The following MYO18B variants were observed in gnomAD, a reference collection of about 807,000 sequenced individuals.
MYO18B encodes myosin XVIIIB, also known as unconventional myosin-XVIIIb.
A neutral mutation model predicts 273.0 loss-of-function variants in MYO18B; 204 were observed. The ratio of observed to expected loss-of-function variants is 0.75; its 90% confidence interval spans 0.67 to 0.84. The LOEUF (loss-of-function observed/expected upper bound fraction) is 0.84. Among genes scored for constraint, MYO18B ranks in the 40% least tolerant of loss-of-function variants. The pLI, the probability that MYO18B is intolerant of heterozygous loss-of-function variation, is 0.00. For synonymous variants in MYO18B, 1,330 were observed against 1,305.7 expected (o/e 1.02, Z -0.40); for missense variants, 3,212 against 3,287.6 (o/e 0.98, Z 0.56).
intron 39 of MYO18B, among the ~76,000 whole-genome samples, chr22:25,971,902 T>C (rs1016589650): frequency 6.6e-6 from 1 of 152,080 alleles, no homozygotes; most frequent in Non-Finnish European, 1.5e-5. Context: ...TTCAGACTTA[T>C]GTGTGCTGAT....
At chr22:25,785,563 C>T (rs979980037) in intron 11 of MYO18B, 72 bp downstream of exon 11, 31 of 1,488,238 alleles carry the variant, frequency 2.1e-5, no homozygotes, top group South Asian at 9.6e-5. Flanking sequence ...GATGAGTCGC[C>T]GTGCAACTTG....
intron 33 of MYO18B, among the ~76,000 whole-genome samples, chr22:25,912,941 G>A (rs1166751514): frequency 6.6e-6 from 1 of 152,160 alleles, no homozygotes; most frequent in Admixed American, 6.5e-5. Context: ...GATACATGCA[G>A]TTCTAATTAA....
At chr22:26,049,090 A>G in the MYO18B span, among the ~76,000 whole-genome samples, 1 of 152,040 alleles carries the variant, frequency 6.6e-6, no homozygotes, top group South Asian at 2.1e-4. Flanking sequence ...TAAAATCTGA[A>G]AAAAAAAGAA....
intron 26 of MYO18B, 67 bp downstream of exon 26, chr22:25,890,942 G>C: frequency 1.3e-6 from 2 of 1,557,604 alleles, no homozygotes; most frequent in Non-Finnish European, 1.7e-6. Flanking sequence ...TCTGCTCCCC[G>C]ACCCTCTCAT....
At chr22:25,952,637 C>T (rs149344466) in intron 38 of MYO18B, among the ~76,000 whole-genome samples, 21 of 152,250 alleles carry the variant, frequency 1.4e-4, no homozygotes, top group African/African-American at 4.6e-4. Context: ...TCACGTATGT[C>T]TCTCCATCTC....
intron 39 of MYO18B, among the ~76,000 whole-genome samples, chr22:25,981,587 A>T (rs566954642): frequency 6.6e-6 from 1 of 152,328 alleles, no homozygotes; most frequent in African/African-American, 2.4e-5. Flanking sequence ...AAAAATAAAA[A>T]TAAAAAAATT....
intron 42 of MYO18B, among the ~76,000 whole-genome samples, chr22:26,021,765 C>T (rs1389917814): frequency 1.3e-5 from 2 of 152,170 alleles, no homozygotes; most frequent in Admixed American, 1.3e-4. Context: ...AGAGGTTACT[C>T]AGCCTCTCTG....
chr22:25,963,425 G>A (rs140220351), intron 39 of MYO18B, among the ~76,000 whole-genome samples: 1 of 151,112 alleles, frequency 6.6e-6, no homozygotes, highest in African/African-American at 2.4e-5. Context: ...GCATTCCTTG[G>A]CCTGTGGGCT....
At chr22:25,922,079 A>G (rs575701699) in intron 34 of MYO18B, among the ~76,000 whole-genome samples, 1 of 152,236 alleles carries the variant, frequency 6.6e-6, no homozygotes, top group Admixed American at 6.5e-5. Context: ...ATGGTGCTGC[A>G]TGGTGTTCTC....
At chr22:25,855,103 T>C (rs1296106014) in intron 21 of MYO18B, among the ~76,000 whole-genome samples, 1 of 151,992 alleles carries the variant, frequency 6.6e-6, no homozygotes, top group Non-Finnish European at 1.5e-5. Context: ...CCTCCTCCCA[T>C]CCTTCCCCTC....
intron 16 of MYO18B, among the ~76,000 whole-genome samples, chr22:25,834,675 C>G (rs1425591471): frequency 6.6e-6 from 1 of 152,108 alleles, no homozygotes; most frequent in Non-Finnish European, 1.5e-5. Context: ...CCTTTAAACT[C>G]CCCAGGCCTC....
chr22:25,768,892 A>G lies in MYO18B; in HGVS notation c.976A>G (p.Ser326Gly), dbSNP rs2086610803. 4 of 1,613,000 alleles carry G rather than the reference A, an allele frequency of 2.5e-6. No individual in the cohort carries two copies. In the East Asian group the frequency reaches 8.9e-5, roughly 36 times the overall value. Reference protein sequence around the residue: ...RKWGGFLGRRSKWDGPQNKKD... With the variant: ...RKWGGFLGRRGKWDGPQNKKD... The stretch of plus-strand genomic sequence containing the variant: ...GTGGGGAGGTTTCCTGGGAAGAAGG[A>G]GTAAGTGGGACGGTCCCCAGAATAA... Residue 326 changes from serine (S) to glycine (G), a missense_variant, in exon 4 of 44, where the codon AGT becomes GGT. Ser to Gly is a moderately conservative substitution (Grantham distance 56). Coordinates refer to ENST00000335473, the MANE Select transcript of MYO18B (RefSeq NM_032608.7).
At chr22:25,837,310 A>G (rs549932383) in intron 17 of MYO18B, among the ~76,000 whole-genome samples, 12 of 152,214 alleles carry the variant, frequency 7.9e-5, no homozygotes, top group Admixed American at 4.6e-4. Flanking sequence ...GGTGTCAGGG[A>G]CAAGGCAAAA....
intron 21 of MYO18B, among the ~76,000 whole-genome samples, chr22:25,861,009 C>G (rs1010544045): frequency 3.3e-5 from 5 of 152,054 alleles, no homozygotes; most frequent in African/African-American, 1.2e-4. Context: ...CTATTTCAGC[C>G]CCCTGCGTTG....
At chr22:25,830,359 A>G (rs2089660526) in intron 15 of MYO18B, among the ~76,000 whole-genome samples, 1 of 152,054 alleles carries the variant, frequency 6.6e-6, no homozygotes, top group African/African-American at 2.4e-5. Flanking sequence ...AACTACCCCC[A>G]AGTGTAGTGG....
chr22:25,946,090 C>T lies in MYO18B; in HGVS notation c.5518-47C>T, dbSNP rs4820662. 482,818 of 543,212 alleles carry T rather than the reference C, an allele frequency of 0.89. 216,428 individuals carry two copies. Among genetic ancestry groups the T allele is most frequent in the African/African-American group, 0.98 (17,638 of 17,986 alleles). 33.6% of individuals were successfully genotyped at this position (543,212 alleles called of 1,614,324 possible). ...CCTCCCCACCTCCCTTCCCCTCTTCCCTTCTCATTTTCTTTTCTTCTCTTC... is the reference window on the plus strand; with the variant it reads ...CCTCCCCACCTCCCTTCCCCTCTTCTCTTCTCATTTTCTTTTCTTCTCTTC... On this transcript the variant is annotated intron_variant, in intron 34 of 43. Coordinates refer to ENST00000335473, the MANE Select transcript of MYO18B (RefSeq NM_032608.7).
intron 34 of MYO18B, among the ~76,000 whole-genome samples, chr22:25,934,325 G>A (rs1042514142): frequency 6.6e-6 from 1 of 152,100 alleles, no homozygotes; most frequent in African/African-American, 2.4e-5. Flanking sequence ...ATGGGTCAGT[G>A]TTAAACATCT....
rs756145311 is a variant in MYO18B, at chr22:25,798,076, G to A, written c.2500G>A (p.Gly834Ser). The A allele has an allele frequency of 2.5e-6, 4 of 1,610,058 alleles. No individual in the cohort carries two copies. The highest frequency in any genetic ancestry group is 2.5e-6 in the Non-Finnish European group (3 of 1,176,798). Residue 834 changes from glycine to serine, a missense_variant, in exon 12 of 44, where the codon GGT (glycine) becomes AGT (serine). Gly to Ser is a moderately conservative substitution (Grantham distance 56). Coordinates refer to ENST00000335473, the MANE Select transcript of MYO18B (RefSeq NM_032608.7). ...WRVLAAIYHL[G>S]AAGACKVGRK... is the part of the protein sequence containing the mutation. ...GGTCCTGGCAGCCATCTACCACCTGGGTGCGGCGGGGGCCTGCAAAGGTAC... is the reference window on the plus strand; with the variant it reads ...GGTCCTGGCAGCCATCTACCACCTGAGTGCGGCGGGGGCCTGCAAAGGTAC...
chr22:25,999,771 T>TCC (rs1464916045), intron 40 of MYO18B, among the ~76,000 whole-genome samples: 1 of 151,866 alleles, frequency 6.6e-6, no homozygotes, highest in Non-Finnish European at 1.5e-5. Flanking sequence ...TTCTTCTGCC[T>TCC]CAGCCTCCCG....
Sources: gnomAD v4.1 joint callset for allele counts (sites outside exome capture counted in the v4.1 genomes callset) on GRCh38, gnomAD v4.1.1 for gene constraint, MANE v1.5 for transcripts, NCBI Gene and HGNC (gene_info 2026-07-23, HGNC 2026-07-21) for gene names.